The following TNIP1 variants were observed in gnomAD, a reference collection of about 807,000 sequenced individuals.
The protein encoded by TNIP1 is TNFAIP3-interacting protein 1.
Under a neutral mutation model 86.6 loss-of-function variants are expected in TNIP1, and 22 were observed. The observed-to-expected ratio is 0.25, with a 90% CI of 0.18 to 0.36. The LOEUF (loss-of-function observed/expected upper bound fraction) is 0.36, where lower values mean the gene tolerates loss of function less well. TNIP1 is among the 10% of genes least tolerant of loss of function. The pLI is 1.00. For synonymous variants in TNIP1, 294 were observed against 313.0 expected (o/e 0.94, Z 0.64); for missense variants, 709 against 820.6 (o/e 0.86, Z 1.66).
At chr5:151,047,266 G>A (rs1036803376) in intron 8 of TNIP1, among the ~76,000 whole-genome samples, 2 of 152,138 alleles carry the variant, frequency 1.3e-5, no homozygotes, top group African/African-American at 4.8e-5. Context: ...GCCAAAACAC[G>A]TAACCTCAAT....
At chr5:151,070,093 C>G (rs1380160884) in intron 1 of TNIP1, among the ~76,000 whole-genome samples, 2 of 152,232 alleles carry the variant, frequency 1.3e-5, no homozygotes, top group Non-Finnish European at 2.9e-5. Flanking sequence ...AGCAGCCACT[C>G]ACCTTTCCTG....
intron 12 of TNIP1, 76 bp from the exon 13 acceptor site, chr5:151,036,997 G>C: frequency 6.7e-7 from 1 of 1,494,926 alleles, no homozygotes; most frequent in South Asian, 1.4e-5. Context: ...CATCCTCAGG[G>C]AACTCCTTCC....
rs748495842 is a variant in TNIP1 at position 151,042,553 on chromosome 5, A to G, written c.1121T>C (p.Ile374Thr). 3.3e-5 allele frequency: 53 copies of G among 1,612,846 alleles called. No individual in the cohort carries two copies. The East Asian group carries it at 1.1e-3, about 35-fold the overall frequency. Residue 374 changes from isoleucine (I) to threonine (T), a missense_variant, in exon 11 of 18, where the codon ATT becomes ACT. Transcript: ENST00000521591. ...DRKLLLAKSK[I>T]EMEETDKEQL... ...AGTCACACTTGCCTCCTCCATTTCA[A>G]TCTTGGACTTGGCCAGGAGGAGCTT... is the stretch of plus-strand genomic sequence containing the variant.
At chr5:151,048,503 C>A (rs747307490) in intron 8 of TNIP1, among the ~76,000 whole-genome samples, 1 of 152,178 alleles carries the variant, frequency 6.6e-6, no homozygotes, top group Non-Finnish European at 1.5e-5. Context: ...GCATGCAATT[C>A]CAAGGCACAC....
chr5:151,035,803 G>A, intron 13 of TNIP1, 96 bp from the exon 14 acceptor site: 2 of 1,533,520 alleles, frequency 1.3e-6, no homozygotes, highest in Non-Finnish European at 1.8e-6. Context: ...TGGGGTCACA[G>A]ATGGCAGAGC....
chr5:151,041,180 C>T (rs905917409), intron 11 of TNIP1, among the ~76,000 whole-genome samples: 5 of 151,854 alleles, frequency 3.3e-5, no homozygotes, highest in Admixed American at 2.0e-4. Context: ...AAGCGATTCT[C>T]GTGCCTCAGT....
chr5:151,049,074 G>A (rs1759553401), intron 8 of TNIP1, among the ~76,000 whole-genome samples: 2 of 152,188 alleles, frequency 1.3e-5, no homozygotes, highest in Non-Finnish European at 2.9e-5. Flanking sequence ...CAGTAATAAG[G>A]AATTAAGCCA....
At chr5:151,085,364 G>C (rs1764237115), upstream of TNIP1, among the ~76,000 whole-genome samples, 1 of 152,230 alleles carries the variant, frequency 6.6e-6, no homozygotes, top group Admixed American at 6.5e-5. Context: ...AGCAGGGATT[G>C]CTTCTCTCCT....
intron 11 of TNIP1, 121 bp from the exon 12 acceptor site, chr5:151,039,346 A>G: frequency 1.8e-6 from 2 of 1,138,858 alleles, no homozygotes; most frequent in Non-Finnish European, 1.2e-6. Flanking sequence ...CAATGCTCAC[A>G]TGCAAAGCAC....
At chr5:151,042,514 C>G (rs1404670673) in intron 11 of TNIP1, 26 bp downstream of exon 11, 1 of 1,608,632 alleles carries the variant, frequency 6.2e-7, no homozygotes, top group East Asian at 2.2e-5. Context: ...GGAACTGACT[C>G]TGCAGGGACC....
Position 151,039,196 on chromosome 5 carries a change from G to C in TNIP1, c.1164C>G (p.Ala388=). 1 of 1,613,488 alleles carries C rather than the reference G, an allele frequency of 6.2e-7. No homozygotes were observed. The highest frequency in any genetic ancestry group is 8.5e-7 in the Non-Finnish European group (1 of 1,179,908). The change falls in exon 12 of 18, where the codon GCC becomes GCG. Residue 388 remains alanine (A), a synonymous_variant. Transcript: ENST00000521591. Reference sequence around the variant, plus strand: ...ACTTGACCTTTTGGCGCAGCTCCTTGGCCTCTGCTGTCAGCTGCTCCTTGT... The same window carrying C: ...ACTTGACCTTTTGGCGCAGCTCCTTCGCCTCTGCTGTCAGCTGCTCCTTGT... The part of the protein sequence containing the change: ...ETDKEQLTAE[A]KELRQKVKYL...
At position 151,030,106 on chromosome 5, in the gene TNIP1, G is replaced by A. The variant is rs8177458; in HGVS notation, c.*607C>T. On this transcript the variant is annotated 3_prime_UTR_variant, in exon 18 of 18. Coordinates refer to ENST00000521591, the MANE Select transcript of TNIP1 (RefSeq NM_006058.5). ...CAGCTTCAGGCTGGCGCCCCTCGGC[G>A]GACGTGGCTGGCATGGCCTTCTCCC... The A allele has an allele frequency of 0.025, 11,622 of 456,806 alleles. 243 individuals are homozygous for A. The highest frequency in any genetic ancestry group is 0.035 in the Non-Finnish European group (8,032 of 226,946). 28.3% of individuals were successfully genotyped at this position (456,806 alleles called of 1,614,324 possible). A position where few individuals can be genotyped will look rare whatever the true frequency, so the allele number is the denominator to read the frequency against.
chr5:151,081,842 C>G (rs1249654990), upstream of TNIP1, among the ~76,000 whole-genome samples: 7 of 151,974 alleles, frequency 4.6e-5, no homozygotes, highest in Non-Finnish European at 1.0e-4. Context: ...TTTCCTAGAC[C>G]GGTAAGGAAC....
At position 151,049,845 on chromosome 5, in the gene TNIP1, C is replaced by A; in HGVS notation, c.825G>T (p.Lys275Asn). The A allele has an allele frequency of 1.2e-6, 2 of 1,614,196 alleles. No homozygotes were observed. Among genetic ancestry groups the A allele is most frequent in the Non-Finnish European group, 1.7e-6 (2 of 1,180,030 alleles). The part of the protein sequence containing the change: ...GSPKMEGTGK[K>N]AVAGQQQASV... ...ATACCTGCTGCTGTCCAGCCACTGC[C>A]TTCTTGCCTGTCCCTTCCATCTTCG... Residue 275 changes from lysine (K) to asparagine (N), a missense_variant, in exon 8 of 18, where the codon AAG (lysine) becomes AAT (asparagine). By Grantham distance (94) the Lys-to-Asn change is moderately conservative. Transcript: ENST00000521591.
chr5:151,067,311 C>T (rs1762352644), intron 1 of TNIP1, among the ~76,000 whole-genome samples: 2 of 152,252 alleles, frequency 1.3e-5, no homozygotes, highest in African/African-American at 2.4e-5. Flanking sequence ...CTCTGCTTGC[C>T]TCTGTCCTCA....
Position 151,042,884 on chromosome 5 carries a change from A to G in TNIP1, c.1002+12T>C. The G allele has an allele frequency of 1.2e-6, 2 of 1,613,424 alleles. No homozygotes were observed. Among genetic ancestry groups the G allele is most frequent in the African/African-American group, 1.3e-5 (1 of 75,048 alleles). On this transcript the variant is annotated intron_variant, in intron 10 of 17. Coordinates refer to ENST00000521591, the MANE Select transcript of TNIP1 (RefSeq NM_006058.5). ...GCATGCCCTGTGGGCGTGGCCAGGA[A>G]CCCCACATTACCTTCTGCTCATACT... is the stretch of plus-strand genomic sequence containing the variant.
chr5:151,063,531 G>C, intron 3 of TNIP1, 82 bp downstream of exon 3: 1 of 1,550,942 alleles, frequency 6.4e-7, no homozygotes, highest in Non-Finnish European at 8.8e-7. Context: ...GTGGGTTTTG[G>C]CATAAGAAGG....
At chr5:151,035,102 C>A (rs1232090164) in intron 14 of TNIP1, 35 bp from the exon 15 acceptor site, 1 of 1,605,624 alleles carries the variant, frequency 6.2e-7, no homozygotes, top group Middle Eastern at 1.7e-4. Context: ...AGACTGTCGG[C>A]ACAGGTGGTT....
intron 16 of TNIP1, 170 bp from the exon 17 acceptor site, chr5:151,032,553 A>T: frequency 3.0e-6 from 2 of 677,416 alleles, no homozygotes; most frequent in Admixed American, 5.6e-5. Context: ...CTCAGAGGGG[A>T]TAACTTGCTG....
Sources: gnomAD v4.1 joint callset for allele counts (sites outside exome capture counted in the v4.1 genomes callset) on GRCh38, gnomAD v4.1.1 for gene constraint, MANE v1.5 for transcripts, NCBI Gene and HGNC (gene_info 2026-07-23, HGNC 2026-07-21) for gene names.